The following NKIRAS1 variants were observed in gnomAD, a reference collection of about 807,000 sequenced individuals.
The protein encoded by NKIRAS1 is NF-kappa-B inhibitor-interacting Ras-like protein 1.
In NKIRAS1, 16 loss-of-function variants were observed where a neutral mutation model predicts 19.8. That is an observed-to-expected ratio of 0.81 (90% CI 0.55 to 1.23). The LOEUF is 1.23. Ranked by LOEUF, NKIRAS1 falls within the 50% of genes most tolerant of loss-of-function variation. The pLI is 0.00. For synonymous variants in NKIRAS1, 88 were observed against 79.0 expected, an observed-to-expected ratio of 1.11 and a Z score of -0.61; for missense variants, 184 against 220.0, an observed-to-expected ratio of 0.84 and a Z score of 1.04.
Position 23,915,299 on chromosome 3 carries a change from G to T in NKIRAS1, c.-140+1485C>A, listed in dbSNP as rs144707950. Among the ~76,000 whole-genome samples the T allele has an allele frequency of 5.3e-3, 814 of 152,158 alleles. 3 individuals are homozygous for T. The highest frequency in any genetic ancestry group is 0.014 in the South Asian group (68 of 4,804). Reference sequence around the variant, plus strand: ...CAAGGAATTCAGGCAGGCTTCATAAGGTGGAAAAGCCAAGGAAATAAATGT... The same window carrying T: ...CAAGGAATTCAGGCAGGCTTCATAATGTGGAAAAGCCAAGGAAATAAATGT... On this transcript the variant is annotated intron_variant, in intron 1 of 4. Coordinates refer to ENST00000425478, the MANE Select transcript of NKIRAS1 (RefSeq NM_020345.4).
At chr3:23,931,455 A>T (rs1438278395) in intron 1 of NKIRAS1, among the ~76,000 whole-genome samples, 1 of 152,136 alleles carries the variant, frequency 6.6e-6, no homozygotes, top group African/African-American at 2.4e-5. Context: ...ATTTCTCAGT[A>T]AAACCTTCCT....
At chr3:23,921,000 C>G (rs896553609), upstream of NKIRAS1, 2 of 155,922 alleles carry the variant, frequency 1.3e-5, no homozygotes, top group African/African-American at 4.8e-5. Flanking sequence ...GTTCTTTGAT[C>G]ATTGCATGAA....
Position 23,922,316 on chromosome 3 carries a change from G to T in NKIRAS1, c.-139-10866C>A, listed in dbSNP as rs1705117142. 1 of 152,164 alleles carries T rather than the reference G, an allele frequency of 6.6e-6. No homozygotes were observed. The highest frequency in any genetic ancestry group is 1.5e-5 in the Non-Finnish European group (1 of 68,028). 9.4% of individuals were successfully genotyped at this position (152,164 alleles called of 1,614,324 possible). On this transcript the variant is annotated intron_variant, in intron 1 of 4. Transcript: ENST00000421515. This position sits in a 1 kb window ranked among gnomAD's most constrained non-coding sequence, Gnocchi z 4.2. ...GTATTAATCCTTTTTTGCCAATGAG[G>T]AAACACAAAGATGAAGCAACTTGCT...
intron 4 of NKIRAS1, among the ~76,000 whole-genome samples, chr3:23,898,429 T>C (rs1702190497): frequency 6.6e-6 from 1 of 151,678 alleles, no homozygotes; most frequent in Admixed American, 6.6e-5. Flanking sequence ...CCCAAAAGAT[T>C]ACATATTGTA....
chr3:23,921,836 A>G (rs924161543), upstream of NKIRAS1: 6 of 539,320 alleles, frequency 1.1e-5, no homozygotes, highest in Non-Finnish European at 6.5e-6. Flanking sequence ...TGGCCTCCCA[A>G]AGTGCTGGGA....
At chr3:23,913,450 T>A (rs1474724542) in intron 1 of NKIRAS1, among the ~76,000 whole-genome samples, 1 of 152,180 alleles carries the variant, frequency 6.6e-6, no homozygotes, top group Non-Finnish European at 1.5e-5. Flanking sequence ...GCCTTCCAAA[T>A]AGGAAACAAT....
At chr3:23,938,229 A>C (rs1272815099) in intron 1 of NKIRAS1, among the ~76,000 whole-genome samples, 1 of 102,740 alleles carries the variant, frequency 9.7e-6, no homozygotes. Context: ...TTTTTTCTTG[A>C]GACAGGGTCT....
At chr3:23,946,030 G>C in intron 1 of NKIRAS1, 1 of 845,276 alleles carries the variant, frequency 1.2e-6, no homozygotes, top group Non-Finnish European at 1.4e-6. Context: ...TGGGGGCGGG[G>C]GCGCGCGCGC....
At chr3:23,898,723 T>C (rs901153285) in intron 4 of NKIRAS1, among the ~76,000 whole-genome samples, 10 of 152,040 alleles carry the variant, frequency 6.6e-5, no homozygotes, top group Non-Finnish European at 1.3e-4. Context: ...GGATTACAGG[T>C]GTGAATCACT....
intron 1 of NKIRAS1, among the ~76,000 whole-genome samples, chr3:23,932,129 T>C (rs558954362): frequency 1.3e-5 from 2 of 152,272 alleles, no homozygotes; most frequent in African/African-American, 4.8e-5. Flanking sequence ...CACAACTAAA[T>C]GGAAGTCAGA....
At chr3:23,946,081 G>C (rs1705689651) in intron 1 of NKIRAS1, 8 of 984,080 alleles carry the variant, frequency 8.1e-6, no homozygotes, top group Middle Eastern at 5.2e-4. Context: ...GGGAGGCTCC[G>C]CCCCTTTGGA....
At chr3:23,932,549 G>A (rs1028701966) in intron 1 of NKIRAS1, among the ~76,000 whole-genome samples, 4 of 151,956 alleles carry the variant, frequency 2.6e-5, no homozygotes, top group Non-Finnish European at 5.9e-5. Context: ...TTAGCCGGGC[G>A]TGGTGGTGCA....
At chr3:23,931,060 T>C (rs1383245980) in intron 1 of NKIRAS1, among the ~76,000 whole-genome samples, 1 of 90,108 alleles carries the variant, frequency 1.1e-5, no homozygotes, top group Non-Finnish European at 2.8e-5. Flanking sequence ...CAGGATATAA[T>C]GAAGTTGTAA....
rs1243710132 is a variant in NKIRAS1 at position 23,927,555 on chromosome 3, G to T, written c.-139-16105C>A. Among the ~76,000 whole-genome samples, 1 of 152,186 alleles carries T rather than the reference G, an allele frequency of 6.6e-6. No homozygotes were observed. The highest frequency in any genetic ancestry group is 1.5e-5 in the Non-Finnish European group (1 of 68,034). ...TGAAAGCATTTGATTTAATTGGCAT[G>T]CTGTGAACATCTGAACTCATTTATT... On this transcript the variant is annotated intron_variant, in intron 1 of 4. Coordinates refer to the NKIRAS1 transcript ENST00000421515. The surrounding 1 kb of genome is among the most constrained non-coding windows in gnomAD (Gnocchi z 4.0).
rs1449290012 is a variant in NKIRAS1, at chr3:23,943,242, CT to C, written c.-140+3080del. 2.0e-5 allele frequency among the ~76,000 whole-genome samples: 3 copies of C among 152,094 alleles called. No individual in the cohort carries two copies. The East Asian group carries it at 5.8e-4, about 29-fold the overall frequency. On this transcript the variant is annotated intron_variant, in intron 1 of 4. Transcript: ENST00000421515. ...CTGTCTCCAGTTTTGCCTTTTCTTCCTTTTTTTGAGACAGAGTTTTGCTCTT... is the reference window on the plus strand; with the variant it reads ...CTGTCTCCAGTTTTGCCTTTTCTTCCTTTTTTGAGACAGAGTTTTGCTCTT...
chr3:23,902,365 C>T (rs1033927723), intron 3 of NKIRAS1, among the ~76,000 whole-genome samples: 4 of 152,270 alleles, frequency 2.6e-5, no homozygotes, highest in Non-Finnish European at 4.4e-5. Flanking sequence ...AATTTACTTT[C>T]ATCAACATAA....
At chr3:23,915,768 C>G (rs1029376399) in intron 1 of NKIRAS1, among the ~76,000 whole-genome samples, 3 of 152,166 alleles carry the variant, frequency 2.0e-5, no homozygotes, top group African/African-American at 7.2e-5. Context: ...CTGCCTGAAT[C>G]AGACCCCTAC....
intron 4 of NKIRAS1, among the ~76,000 whole-genome samples, chr3:23,895,318 T>C (rs955123583): frequency 6.6e-6 from 1 of 152,192 alleles, no homozygotes; most frequent in Non-Finnish European, 1.5e-5. Flanking sequence ...AGCCTAGACC[T>C]TGACATTGTA....
rs1302169817 is a variant in NKIRAS1 at position 23,922,388 on chromosome 3, GTTTA to G, written c.-139-10942_-139-10939del. 6.6e-6 allele frequency: 1 copy of G among 152,154 alleles called. No individual in the cohort carries two copies. Among genetic ancestry groups the G allele is most frequent in the Non-Finnish European group, 1.5e-5 (1 of 68,050 alleles). The allele number at this position is 152,154 out of a possible 1,614,324, so 9.4% of individuals were successfully genotyped here. On this transcript the variant is annotated intron_variant, in intron 1 of 4. Transcript: ENST00000421515. This position sits in a 1 kb window ranked among gnomAD's most constrained non-coding sequence, Gnocchi z 4.2. ...TGAATTCAAATCCTATACACTTAAA[GTTTA>G]TTTGTTTTGTTTTGGTTTTTTTTGA...
Sources: allele counts gnomAD v4.1 joint callset (sites outside exome capture counted in the v4.1 genomes callset), GRCh38; gene constraint gnomAD v4.1.1; non-coding constraint Gnocchi (gnomAD v3.1); transcripts MANE v1.5; gene names NCBI Gene and HGNC (gene_info 2026-07-23, HGNC 2026-07-21).